Variants in CCDC69 observed in about 807,000 individuals in gnomAD.
CCDC69 encodes the protein coiled-coil domain-containing protein 69.
Under a neutral mutation model 40.3 loss-of-function variants are expected in CCDC69, and 38 were observed. The ratio of observed to expected loss-of-function variants is 0.94; its 90% CI spans 0.73 to 1.24. The LOEUF is 1.24. Among genes scored for constraint, CCDC69 ranks in the 50% most tolerant of loss-of-function variants. The probability of loss-of-function intolerance (pLI) is 0.00; values close to 1 mark genes in which losing one functional copy is unlikely to be tolerated. For missense variants in CCDC69, 389 were observed against 357.9 expected, an observed-to-expected ratio of 1.09 and a Z score of -0.70; for synonymous variants, 141 against 138.9, an observed-to-expected ratio of 1.02 and a Z score of -0.11.
At chr5:151,212,325 C>T (rs1362345052) in intron 1 of CCDC69, 1 of 161,428 alleles carries the variant, frequency 6.2e-6, no homozygotes, top group Non-Finnish European at 1.4e-5. Flanking sequence ...ATGCTCTCTT[C>T]AGTCCTCCTG....
chr5:151,216,255 G>C (rs531730249), intron 1 of CCDC69, among the ~76,000 whole-genome samples: 2 of 151,926 alleles, frequency 1.3e-5, no homozygotes, highest in Admixed American at 6.5e-5. Flanking sequence ...CACCATGCCC[G>C]GCCAACTATT....
chr5:151,206,896 C>T (rs909866579), intron 1 of CCDC69, among the ~76,000 whole-genome samples: 1 of 151,238 alleles, frequency 6.6e-6, no homozygotes, highest in African/African-American at 2.4e-5. Flanking sequence ...TCCCAAAGTG[C>T]TGGGATTACA....
intron 1 of CCDC69, 52 bp downstream of exon 1, chr5:151,223,871 T>G: frequency 6.4e-7 from 1 of 1,564,396 alleles, no homozygotes; most frequent in South Asian, 1.1e-5. Context: ...GGCGGAGCGA[T>G]TCCGCACTCC....
At chr5:151,187,343 C>G (rs1752538146) in intron 5 of CCDC69, 43 bp downstream of exon 5, 1 of 1,573,106 alleles carries the variant, frequency 6.4e-7, no homozygotes, top group African/African-American at 1.3e-5. Context: ...CATTGGTCCT[C>G]ACTTACCCTT....
At chr5:151,184,299 C>A (rs780481032) in intron 8 of CCDC69, 45 bp downstream of exon 8, 1 of 1,489,600 alleles carries the variant, frequency 6.7e-7, no homozygotes, top group Non-Finnish European at 9.4e-7. Context: ...GGAATTTTGG[C>A]AAAAAGGGTG....
chr5:151,189,613 G>A (rs1320624375), intron 4 of CCDC69, among the ~76,000 whole-genome samples: 1 of 150,902 alleles, frequency 6.6e-6, no homozygotes, highest in African/African-American at 2.4e-5. Context: ...CCACAAACTT[G>A]CCAAAACATA....
intron 4 of CCDC69, 22 bp from the exon 5 acceptor site, chr5:151,187,481 A>C (rs1389889671): frequency 1.9e-6 from 3 of 1,598,814 alleles, no homozygotes; most frequent in Admixed American, 1.7e-5. Flanking sequence ...GGAGAACTCC[A>C]TAAGCTCAAG....
Position 151,182,600 on chromosome 5 carries a change from T to C in CCDC69, c.*837A>G. The stretch of plus-strand genomic sequence containing the variant: ...ACTGCTCCATGCCTTGGTTTCCTCA[T>C]CTGTGCAGGGATGAGGTTCCAGCTC... On this transcript the variant is annotated 3_prime_UTR_variant, in exon 9 of 9. Coordinates refer to ENST00000355417, the MANE Select transcript of CCDC69 (RefSeq NM_015621.3). 1 of 175,748 alleles carries C rather than the reference T, an allele frequency of 5.7e-6. No individual in the cohort carries two copies. The highest frequency in any genetic ancestry group is 1.2e-4 in the South Asian group (1 of 8,266). 10.9% of individuals were successfully genotyped at this position (175,748 alleles called of 1,614,324 possible).
At chr5:151,187,504 A>G (rs200558334) in intron 4 of CCDC69, 45 bp from the exon 5 acceptor site, 320 of 1,507,166 alleles carry the variant, frequency 2.1e-4, no homozygotes, top group Middle Eastern at 3.4e-4. Context: ...ACTTCTCCCC[A>G]AAGCCTTCTG....
intron 4 of CCDC69, among the ~76,000 whole-genome samples, chr5:151,195,495 C>T (rs375584142): frequency 8.6e-5 from 13 of 151,836 alleles, no homozygotes; most frequent in African/African-American, 2.2e-4. Flanking sequence ...CCGAGGCAGG[C>T]GGATTATGAG....
rs760234382 is a variant in CCDC69 at position 151,199,032 on chromosome 5, C to G, written c.284G>C (p.Arg95Thr). 6.2e-7 allele frequency: 1 copy of G among 1,614,164 alleles called. No homozygotes were observed. Among genetic ancestry groups the G allele is most frequent in the Non-Finnish European group, 8.5e-7 (1 of 1,180,008 alleles). ...ELRDRLDEQQ[R>T]VLEGKNEEAL... is the part of the protein sequence containing the mutation. The stretch of plus-strand genomic sequence containing the variant: ...CTCTTCATTCTTTCCTTCCAGGACC[C>G]TTTGCTGCTCATCCAGTCTGTCTCG... The change falls in exon 4 of 9, where the codon AGG becomes ACG. Residue 95 changes from arginine (R) to threonine (T), a missense_variant. Physicochemically the swap from Arg to Thr is moderately conservative, Grantham distance 71 (BLOSUM62 -1). Coordinates refer to ENST00000355417, the MANE Select transcript of CCDC69 (RefSeq NM_015621.3).
At chr5:151,216,707 C>T (rs919794892) in intron 1 of CCDC69, among the ~76,000 whole-genome samples, 5 of 152,174 alleles carry the variant, frequency 3.3e-5, no homozygotes, top group South Asian at 2.1e-4. Flanking sequence ...TGAGCCACCA[C>T]GCCTGGCCAA....
chr5:151,213,009 T>TA, intron 1 of CCDC69: 1 of 403,750 alleles, frequency 2.5e-6, no homozygotes, highest in East Asian at 7.2e-5. Flanking sequence ...GGTGATCTTT[T>TA]AGAACCCTGA....
At chr5:151,194,335 A>T (rs1752664276) in intron 4 of CCDC69, among the ~76,000 whole-genome samples, 1 of 152,250 alleles carries the variant, frequency 6.6e-6, no homozygotes, top group Non-Finnish European at 1.5e-5. Flanking sequence ...CTCCACAATG[A>T]AAATGTATGA....
chr5:151,198,526 G>A (rs960228349), intron 4 of CCDC69, among the ~76,000 whole-genome samples: 2 of 152,178 alleles, frequency 1.3e-5, no homozygotes, highest in Non-Finnish European at 1.5e-5. Flanking sequence ...AGAATGAGAC[G>A]TTAACCACTG....
intron 4 of CCDC69, among the ~76,000 whole-genome samples, chr5:151,187,849 C>T (rs997815708): frequency 6.6e-6 from 1 of 152,188 alleles, no homozygotes; most frequent in Non-Finnish European, 1.5e-5. Context: ...ATCATTAAAT[C>T]CTTAGTTGTC....
intron 2 of CCDC69, among the ~76,000 whole-genome samples, chr5:151,203,205 G>C (rs757662352): frequency 3.9e-4 from 59 of 152,018 alleles, no homozygotes; most frequent in Non-Finnish European, 2.6e-4. Context: ...TATCCTGCTT[G>C]CTTGTGCACA....
intron 4 of CCDC69, among the ~76,000 whole-genome samples, chr5:151,198,659 C>T (rs1365475031): frequency 6.6e-6 from 1 of 152,200 alleles, no homozygotes; most frequent in Non-Finnish European, 1.5e-5. Flanking sequence ...ATAAGAGCTA[C>T]CATCATCGTG....
At chr5:151,189,028 T>C (rs1271863022) in intron 4 of CCDC69, among the ~76,000 whole-genome samples, 1 of 152,120 alleles carries the variant, frequency 6.6e-6, no homozygotes, top group Non-Finnish European at 1.5e-5. Context: ...TTTCTCAGCA[T>C]ACAATACAAA....
Sources: gnomAD v4.1 joint callset for allele counts (sites outside exome capture counted in the v4.1 genomes callset) on GRCh38, gnomAD v4.1.1 for gene constraint, MANE v1.5 for transcripts, NCBI Gene and HGNC (gene_info 2026-07-23, HGNC 2026-07-21) for gene names.